PHF3: variants seen among roughly 807,000 people sequenced by gnomAD.
The protein encoded by PHF3 is PHD finger protein 3.
A neutral mutation model predicts 178.4 loss-of-function variants in PHF3; 41 were observed. The ratio of observed to expected loss-of-function variants is 0.23; its 90% CI spans 0.18 to 0.30. The LOEUF is 0.30. Among genes scored for constraint, PHF3 ranks in the 10% least tolerant of loss-of-function variants. The pLI, the probability that PHF3 is intolerant of heterozygous loss-of-function variation, is 1.00. For missense variants in PHF3, 2,346 were observed against 2,398.1 expected, an observed-to-expected ratio of 0.98 and a Z score of 0.45; for synonymous variants, 842 against 800.5, an observed-to-expected ratio of 1.05 and a Z score of -0.88.
chr6:63,658,079 G>A (rs768305961), intron 2 of PHF3, among the ~76,000 whole-genome samples: 4 of 152,176 alleles, frequency 2.6e-5, no homozygotes, highest in Admixed American at 1.3e-4. Flanking sequence ...GGGTATTCAA[G>A]TAGGGGAAGA....
intron 1 of PHF3, among the ~76,000 whole-genome samples, chr6:63,645,014 G>A (rs1478936071): frequency 1.3e-5 from 2 of 151,780 alleles, no homozygotes; most frequent in African/African-American, 4.8e-5. Flanking sequence ...CCGAGTGACT[G>A]GGTCTACAGG....
intron 14 of PHF3, among the ~76,000 whole-genome samples, chr6:63,710,810 A>G (rs1767892977): frequency 6.6e-6 from 1 of 152,152 alleles, no homozygotes; most frequent in African/African-American, 2.4e-5. Flanking sequence ...AGGTTACAGC[A>G]TTGGAAATCA....
At chr6:63,705,883 T>C in intron 11 of PHF3, 146 bp from the exon 12 acceptor site, 1 of 611,688 alleles carries the variant, frequency 1.6e-6, no homozygotes, top group Non-Finnish European at 2.8e-6. Context: ...TACAACTAAA[T>C]GATGACAGTT....
intron 4 of PHF3, 92 bp downstream of exon 4, chr6:63,686,003 T>C: frequency 1.2e-6 from 1 of 834,126 alleles, no homozygotes; most frequent in Non-Finnish European, 1.9e-6. Flanking sequence ...TTTAAAGACA[T>C]TATTTGATAC....
chr6:63,671,425 T>A (rs1765911516), intron 2 of PHF3, among the ~76,000 whole-genome samples: 1 of 152,170 alleles, frequency 6.6e-6, no homozygotes, highest in Non-Finnish European at 1.5e-5. Context: ...ATTACTTTTG[T>A]GTCAGCCTAG....
In PHF3 at chr6:63,685,529, C is replaced by T. The variant is rs142449533; in HGVS notation, c.1807C>T (p.His603Tyr). The T allele has an allele frequency of 2.5e-6, 4 of 1,613,982 alleles. No individual in the cohort carries two copies. The highest frequency in any genetic ancestry group is 2.5e-6 in the Non-Finnish European group (3 of 1,180,002). The change falls in exon 4 of 16, where the codon CAT (histidine) becomes TAT (tyrosine). Residue 603 changes from histidine (H) to tyrosine (Y), a missense_variant. Around this residue, in one of 8 missense-constraint regions of PHF3, gnomAD observed 843 missense variants for 795.2 expected, o/e 1.06. Transcript: ENST00000262043. ...TTCTTTGAGTGATAAGTCACACGCT[C>T]ATCCTGGTTGCTTGAAAGAACCTCA... ...THSLSDKSHA[H>Y]PGCLKEPHHP...
chr6:63,693,055 T>C (rs991822196), intron 5 of PHF3, among the ~76,000 whole-genome samples: 4 of 152,230 alleles, frequency 2.6e-5, no homozygotes, highest in African/African-American at 9.6e-5. Context: ...ATTTTTTGTC[T>C]GTCAAGACTT....
At chr6:63,658,621 G>A (rs1031682649) in intron 2 of PHF3, among the ~76,000 whole-genome samples, 16 of 151,766 alleles carry the variant, frequency 1.1e-4, no homozygotes, top group Non-Finnish European at 2.1e-4. Flanking sequence ...TCATCTGTTA[G>A]TAATATTAAT....
chr6:63,651,245 A>G (rs765155331), intron 2 of PHF3, among the ~76,000 whole-genome samples: 2 of 152,232 alleles, frequency 1.3e-5, no homozygotes, highest in Non-Finnish European at 2.9e-5. Context: ...TGTTAGGAAC[A>G]TTCAAAAGTT....
At chr6:63,683,979 T>G in intron 3 of PHF3, 150 bp from the exon 4 acceptor site, 1 of 548,736 alleles carries the variant, frequency 1.8e-6, no homozygotes, top group East Asian at 2.9e-5. Context: ...TGTATATATA[T>G]CATGTCACCA....
Position 63,685,015 on chromosome 6 carries a change from G to A in PHF3, c.1293G>A (p.Pro431=), listed in dbSNP as rs759809824. The part of the protein sequence containing the change: ...LEVVDTSTFG[P]ESNILENAIC... ...TGGTTGATACTAGTACTTTTGGACC[G>A]GAAAGTAATATCTTGGAAAATGCTA... Residue 431 remains proline, a synonymous_variant, in exon 4 of 16, where the codon CCG becomes CCA. Coordinates refer to ENST00000262043, the MANE Select transcript of PHF3 (RefSeq NM_001370348.2). 6.2e-6 allele frequency: 10 copies of A among 1,614,024 alleles called. No homozygotes were observed. Among genetic ancestry groups the A allele is most frequent in the East Asian group, 2.2e-5 (1 of 44,856 alleles).
At chr6:63,650,828 A>G (rs569185125) in intron 2 of PHF3, among the ~76,000 whole-genome samples, 2 of 152,312 alleles carry the variant, frequency 1.3e-5, no homozygotes, top group East Asian at 3.9e-4. Context: ...CAGCATTTCA[A>G]TCAGACAGTA....
intron 2 of PHF3, among the ~76,000 whole-genome samples, chr6:63,669,588 G>T (rs1017145003): frequency 2.6e-5 from 4 of 152,128 alleles, no homozygotes; most frequent in Non-Finnish European, 4.4e-5. Flanking sequence ...TCTTAAAAAG[G>T]TGTGTATATA....
Position 63,706,128 on chromosome 6 carries a change from C to T in PHF3, c.3467C>T (p.Ala1156Val). Residue 1156 changes from alanine (A) to valine (V), a missense_variant, in exon 12 of 16, where the codon GCA (alanine) becomes GTA (valine). By Grantham distance (64) the Ala-to-Val change is moderately conservative. Coordinates refer to ENST00000262043, the MANE Select transcript of PHF3 (RefSeq NM_001370348.2). ...KHSDNEAESI[A>V]DALSSTSNIL... The stretch of plus-strand genomic sequence containing the variant: ...TCAGACAATGAAGCAGAAAGTATAG[C>T]AGATGCATTATCTTCAACCTCAAAT... 6.2e-7 allele frequency: 1 copy of T among 1,613,786 alleles called. No individual in the cohort carries two copies. Among genetic ancestry groups the T allele is most frequent in the Non-Finnish European group, 8.5e-7 (1 of 1,179,760 alleles).
chr6:63,655,600 A>G (rs937735860), intron 2 of PHF3, among the ~76,000 whole-genome samples: 42 of 152,288 alleles, frequency 2.8e-4, no homozygotes, highest in African/African-American at 9.9e-4. Context: ...ATGATTTTTT[A>G]TGTTCACTTT....
rs1011302345 is a variant in PHF3 at position 63,646,541 on chromosome 6, C to T, written c.-11C>T. Reference sequence around the variant, plus strand: ...TCTTTCTATAGGGCTGAAAGACACACAGAAGTCTTCATGGATATAGTTGAT... The same window carrying T: ...TCTTTCTATAGGGCTGAAAGACACATAGAAGTCTTCATGGATATAGTTGAT... On this transcript the variant is annotated 5_prime_UTR_variant, in exon 2 of 16. Coordinates refer to ENST00000262043, the MANE Select transcript of PHF3 (RefSeq NM_001370348.2). The T allele has an allele frequency of 1.2e-6, 2 of 1,602,528 alleles. No homozygotes were observed. The highest frequency in any genetic ancestry group is 1.7e-6 in the Non-Finnish European group (2 of 1,172,714).
chr6:63,713,342 G>A lies in PHF3; in HGVS notation c.5754G>A (p.Gly1918=), dbSNP rs1331508368. The A allele has an allele frequency of 4.3e-6, 7 of 1,613,928 alleles. No homozygotes were observed. In the Admixed American group the frequency reaches 1.2e-4, roughly 27 times the overall value. ...QLDRPFNRGK[G]DRQRFYSDSH... The stretch of plus-strand genomic sequence containing the variant: ...ATAGGCCATTTAATAGGGGTAAAGG[G>A]GACCGCCAGAGATTTTATAGTGATT... The change falls in exon 16 of 16, where the codon GGG becomes GGA. Residue 1918 remains glycine (G), a synonymous_variant. Transcript: ENST00000262043.
intron 2 of PHF3, among the ~76,000 whole-genome samples, chr6:63,655,986 A>AT (rs1399058017): frequency 6.6e-6 from 1 of 152,114 alleles, no homozygotes; most frequent in Non-Finnish European, 1.5e-5. Flanking sequence ...CTTTTCAAAT[A>AT]TTTTTCCATA....
intron 1 of PHF3, among the ~76,000 whole-genome samples, chr6:63,642,366 T>A (rs1764613204): frequency 6.6e-6 from 1 of 152,248 alleles, no homozygotes; most frequent in Admixed American, 6.5e-5. Flanking sequence ...GATGTTTATA[T>A]GTGTTGTATT....
Sources: gnomAD v4.1 joint callset for allele counts (sites outside exome capture counted in the v4.1 genomes callset) on GRCh38, gnomAD v4.1.1 for gene constraint, gnomAD v4.1.1 regional missense constraint, MANE v1.5 for transcripts, NCBI Gene and HGNC (gene_info 2026-07-23, HGNC 2026-07-21) for gene names.